The following LHX3 variants were observed in gnomAD, a reference collection of about 807,000 sequenced individuals.
LHX3 encodes the protein LIM/homeobox protein Lhx3.
LHX3 carries 21 observed loss-of-function variants against 32.4 expected under a neutral mutation model. The ratio of observed to expected loss-of-function variants is 0.65; its 90% CI spans 0.46 to 0.93. The LOEUF (loss-of-function observed/expected upper bound fraction) is 0.93, where lower values mean the gene tolerates loss of function less well. Among genes scored for constraint, LHX3 ranks in the 40% least tolerant of loss-of-function variants. LHX3 has a pLI of 0.00. For synonymous variants in LHX3, 258 were observed against 246.8 expected (o/e 1.05, Z -0.43); for missense variants, 626 against 560.0 (o/e 1.12, Z -1.19).
At chr9:136,198,612 GC>G (rs1244755660) in intron 5 of LHX3, 39 bp downstream of exon 5, 1 of 1,530,510 alleles carries the variant, frequency 6.5e-7, no homozygotes, top group African/African-American at 1.5e-5. Flanking sequence ...CCGCCGACGC[GC>G]GCTCGTCCCC....
intron 1 of LHX3, among the ~76,000 whole-genome samples, chr9:136,202,253 C>A (rs1588627852): frequency 6.6e-6 from 1 of 152,206 alleles, no homozygotes; most frequent in South Asian, 2.1e-4. Context: ...CTGGATGTAA[C>A]CCCCTTCCCG....
intron 5 of LHX3, among the ~76,000 whole-genome samples, chr9:136,197,953 G>A (rs889491680): frequency 6.6e-6 from 1 of 152,184 alleles, no homozygotes; most frequent in African/African-American, 2.4e-5. Context: ...GGTGTCTCAG[G>A]CCTGGTGGGA....
In LHX3 at chr9:136,197,620, A is replaced by G. The variant is rs749889509; in HGVS notation, c.899T>C (p.Leu300Pro). 8.9e-6 allele frequency: 14 copies of G among 1,571,646 alleles called. No individual in the cohort carries two copies. The Middle Eastern group carries it at 5.1e-4, about 58-fold the overall frequency. Reference protein sequence around the residue: ...LGNFSLEHGGLAGPEQYRELR... With the variant: ...LGNFSLEHGGPAGPEQYRELR... ...CTCTCGGTACTGCTCTGGGCCTGCCAGGCCTCCATGCTCCAGGGAGAAGTT... is the reference window on the plus strand; with the variant it reads ...CTCTCGGTACTGCTCTGGGCCTGCCGGGCCTCCATGCTCCAGGGAGAAGTT... The change falls in exon 6 of 6, where the codon CTG (leucine) becomes CCG (proline). Residue 300 changes from leucine (L) to proline (P), a missense_variant. Physicochemically the swap from Leu to Pro is moderately conservative, Grantham distance 98. Coordinates refer to ENST00000371748, the MANE Select transcript of LHX3 (RefSeq NM_178138.6).
At position 136,198,838 on chromosome 9, in the gene LHX3, T is replaced by C. The variant is rs542755638; in HGVS notation, c.607-18A>G. The C allele has an allele frequency of 1.3e-6, 2 of 1,598,950 alleles. No individual in the cohort carries two copies. The highest frequency in any genetic ancestry group is 2.2e-5 in the South Asian group (2 of 90,416). On this transcript the variant is annotated intron_variant, in intron 4 of 5. Transcript: ENST00000371748. ...AACCAAACCTGGGGGCGGGGCGGGG[T>C]GAGCGGCCGCCCGGCTCTGCGGGGG...
At chr9:136,198,606 C>T in intron 5 of LHX3, 46 bp downstream of exon 5, 2 of 1,542,126 alleles carry the variant, frequency 1.3e-6, no homozygotes, top group Non-Finnish European at 8.7e-7. Flanking sequence ...GCGACCCCGC[C>T]GACGCGCGCT....
Position 136,198,574 on chromosome 9 carries a change from C to T in LHX3, c.775+78G>A, listed in dbSNP as rs186149508. ...CACTAACTCCATGGGAAATTCAGAT[C>T]CGCGGGCTCCCTGGGACCCCTGCGA... On this transcript the variant is annotated intron_variant, in intron 5 of 5. Coordinates refer to ENST00000371748, the MANE Select transcript of LHX3 (RefSeq NM_178138.6). The T allele has an allele frequency of 3.4e-6, 5 of 1,468,472 alleles. No individual in the cohort carries two copies. The East Asian group carries it at 7.4e-5, about 22-fold the overall frequency. The allele number at this position is 1,468,472 out of a possible 1,614,324, so 91.0% of individuals were successfully genotyped here.
At chr9:136,201,592 C>T in intron 1 of LHX3, 1 of 1,027,802 alleles carries the variant, frequency 9.7e-7, no homozygotes, top group Non-Finnish European at 1.2e-6. Flanking sequence ...AGAGGAGTGC[C>T]CGCTGAAGGG....
In LHX3 at chr9:136,203,610, CG is replaced by C. The variant is rs1337500266; in HGVS notation, c.79+1323del. On this transcript the variant is annotated intron_variant, in intron 1 of 5. Transcript: ENST00000371748. Reference sequence around the variant, plus strand: ...GGCGCCGAGGGCTGCGTACCGGAACCGCAAGGTGCCGGACCGATCCCAGATG... The same window carrying C: ...GGCGCCGAGGGCTGCGTACCGGAACCCAAGGTGCCGGACCGATCCCAGATG... Among the ~76,000 whole-genome samples, 8 of 152,350 alleles carry C rather than the reference CG, an allele frequency of 5.3e-5. No individual in the cohort carries two copies. The South Asian group carries it at 1.2e-3, about 24-fold the overall frequency.
At position 136,200,115 on chromosome 9, in the gene LHX3, C is replaced by A. The variant is rs538611345; in HGVS notation, c.252-235G>T. The A allele has an allele frequency of 1.2e-5, 8 of 651,430 alleles. No individual in the cohort carries two copies. In the Admixed American group the frequency reaches 1.7e-4, roughly 14 times the overall value. 40.4% of individuals were successfully genotyped at this position (651,430 alleles called of 1,614,324 possible). On this transcript the variant is annotated intron_variant, in intron 2 of 5. Transcript: ENST00000371748. The stretch of plus-strand genomic sequence containing the variant: ...GCCCAGCCGCCATTGCCTGCAGGAC[C>A]CATGCTGGATCTGGGAAGGTGAATC...
At chr9:136,202,473 G>T (rs1831669283) in intron 1 of LHX3, among the ~76,000 whole-genome samples, 1 of 152,216 alleles carries the variant, frequency 6.6e-6, no homozygotes, top group South Asian at 2.1e-4. Flanking sequence ...CCGAGCGGGT[G>T]TCTGTGGGCG....
intron 1 of LHX3, among the ~76,000 whole-genome samples, chr9:136,201,827 G>A (rs956744105): frequency 5.3e-5 from 8 of 152,206 alleles, no homozygotes; most frequent in Non-Finnish European, 1.2e-4. Flanking sequence ...CCCGCTGCGC[G>A]CCCGGGGTCC....
Position 136,197,480 on chromosome 9 carries a change from C to T in LHX3, c.1039G>A (p.Val347Met). ...LVYPDTSLGL[V>M]PSGAPGGPPP... ...GGCCCGCCGGGGGCTCCCGAGGGCA[C>T]AAGGCCCAAGCTGGTGTCTGGGTAC... The change falls in exon 6 of 6, where the codon GTG (valine) becomes ATG (methionine). Residue 347 changes from valine to methionine, a missense_variant. Transcript: ENST00000371748. 1 of 1,565,020 alleles carries T rather than the reference C, an allele frequency of 6.4e-7. No homozygotes were observed. Among genetic ancestry groups the T allele is most frequent in the Non-Finnish European group, 8.7e-7 (1 of 1,155,630 alleles).
intron 1 of LHX3, among the ~76,000 whole-genome samples, chr9:136,204,457 G>A (rs1224356484): frequency 1.3e-5 from 2 of 152,166 alleles, no homozygotes; most frequent in Non-Finnish European, 2.9e-5. Flanking sequence ...TTAAGGAGGC[G>A]GCCCACCCTG....
At chr9:136,200,786 T>A (rs1403275885) in intron 1 of LHX3, 33 bp from the exon 2 acceptor site, 1 of 1,612,196 alleles carries the variant, frequency 6.2e-7, no homozygotes, top group Non-Finnish European at 8.5e-7. Flanking sequence ...GGTCACCTCG[T>A]AGACCAGGAG....
At chr9:136,202,079 G>A (rs1040857166) in intron 1 of LHX3, among the ~76,000 whole-genome samples, 1 of 152,084 alleles carries the variant, frequency 6.6e-6, no homozygotes, top group African/African-American at 2.4e-5. Flanking sequence ...CGGGGTCGGC[G>A]GAGCCTGGAC....
intron 1 of LHX3, among the ~76,000 whole-genome samples, chr9:136,204,282 T>C (rs1243596728): frequency 6.6e-6 from 1 of 152,232 alleles, no homozygotes; most frequent in Non-Finnish European, 1.5e-5. Flanking sequence ...TTTCTGCCCC[T>C]TCACTTTGCA....
chr9:136,204,424 A>G (rs1479591151), intron 1 of LHX3, among the ~76,000 whole-genome samples: 1 of 152,174 alleles, frequency 6.6e-6, no homozygotes, highest in Non-Finnish European at 1.5e-5. Flanking sequence ...GTGTGGCAGG[A>G]CTGGGGAAGG....
chr9:136,202,834 G>T, intron 1 of LHX3: 1 of 1,275,732 alleles, frequency 7.8e-7, no homozygotes, highest in Non-Finnish European at 1.1e-6. Context: ...CGGGGTCCTC[G>T]CGCCCACTCC....
In LHX3 at chr9:136,196,933, C is replaced by G; in HGVS notation, c.*392G>C. On this transcript the variant is annotated 3_prime_UTR_variant, in exon 6 of 6. Coordinates refer to ENST00000371748, the MANE Select transcript of LHX3 (RefSeq NM_178138.6). ...ACATGGAGCCTGGGAAGTGAAAGCA[C>G]AATTATGATGATTTCTCAGTTTTAG... 1 of 264,030 alleles carries G rather than the reference C, an allele frequency of 3.8e-6. No individual in the cohort carries two copies. Among genetic ancestry groups the G allele is most frequent in the Non-Finnish European group, 7.3e-6 (1 of 137,128 alleles). 16.4% of individuals were successfully genotyped at this position (264,030 alleles called of 1,614,324 possible).
Sources: allele counts gnomAD v4.1 joint callset (sites outside exome capture counted in the v4.1 genomes callset), GRCh38; gene constraint gnomAD v4.1.1; transcripts MANE v1.5; gene names NCBI Gene and HGNC (gene_info 2026-07-23, HGNC 2026-07-21).